Variants in VAC14 observed in about 807,000 individuals in gnomAD.
VAC14 encodes the protein VAC14 component of PIKFYVE complex.
In VAC14, 47 loss-of-function variants were observed where a neutral mutation model predicts 85.3. The ratio of observed to expected loss-of-function variants is 0.55; its 90% CI spans 0.44 to 0.70. The LOEUF (loss-of-function observed/expected upper bound fraction) is 0.70. Ranked by LOEUF, VAC14 falls within the 30% of genes least tolerant of loss-of-function variation. The probability of loss-of-function intolerance (pLI) is 0.00; values close to 1 mark genes in which losing one functional copy is unlikely to be tolerated. For synonymous variants in VAC14, 447 were observed against 430.5 expected (o/e 1.04, Z -0.47); for missense variants, 861 against 1,004.3 (o/e 0.86, Z 1.93).
intron 1 of VAC14, among the ~76,000 whole-genome samples, chr16:70,789,204 G>C (rs920306627): frequency 6.6e-6 from 1 of 152,232 alleles, no homozygotes; most frequent in African/African-American, 2.4e-5. Context: ...CACAGAAGGC[G>C]GTGGGAGGAC....
At chr16:70,750,845 C>T (rs1363757182) in intron 12 of VAC14, among the ~76,000 whole-genome samples, 3 of 152,070 alleles carry the variant, frequency 2.0e-5, no homozygotes, top group Non-Finnish European at 4.4e-5. Flanking sequence ...AAGCTCCCAG[C>T]TCTCACTCTC....
At position 70,785,804 on chromosome 16, in the gene VAC14, G is replaced by A. The variant is rs770287430; in HGVS notation, c.321C>T (p.Ser107=). The change falls in exon 3 of 19, where the codon AGC becomes AGT. Residue 107 remains serine (S), a synonymous_variant. Coordinates refer to ENST00000261776, the MANE Select transcript of VAC14 (RefSeq NM_018052.5). ...CCTCGCAGGCATAGTAGCGCAGCCTGCTGTCTGCATCATTGAAGCAGGTCA... is the reference window on the plus strand; with the variant it reads ...CCTCGCAGGCATAGTAGCGCAGCCTACTGTCTGCATCATTGAAGCAGGTCA... ...PVLTCFNDAD[S]RLRYYACEAL... is the part of the protein sequence containing the mutation. 1.2e-6 allele frequency: 2 copies of A among 1,600,166 alleles called. No homozygotes were observed. The highest frequency in any genetic ancestry group is 1.7e-5 in the Admixed American group (1 of 58,662).
chr16:70,801,068 A>C lies in VAC14; in HGVS notation c.-168T>G. 2.1e-6 allele frequency: 1 copy of C among 476,896 alleles called. No individual in the cohort carries two copies. Among genetic ancestry groups the C allele is most frequent in the Non-Finnish European group, 3.6e-6 (1 of 275,136 alleles). 29.5% of individuals were successfully genotyped at this position (476,896 alleles called of 1,614,324 possible). A position where few individuals can be genotyped will look rare whatever the true frequency, so the allele number is the denominator to read the frequency against. ...GCCTCGCCCTGGAACCCGGGCCCGG[A>C]CCCCGCTCCAGCACACCTGACCCTG... On this transcript the variant is annotated 5_prime_UTR_variant, in exon 1 of 19. Coordinates refer to ENST00000261776, the MANE Select transcript of VAC14 (RefSeq NM_018052.5).
At chr16:70,784,912 C>G in intron 3 of VAC14, 74 bp from the exon 4 acceptor site, 6 of 1,348,068 alleles carry the variant, frequency 4.5e-6, no homozygotes, top group Non-Finnish European at 6.4e-6. Flanking sequence ...GGATTTCCTG[C>G]AAATCCGCAG....
intron 13 of VAC14, among the ~76,000 whole-genome samples, chr16:70,741,886 C>G (rs958564704): frequency 2.0e-5 from 3 of 152,210 alleles, no homozygotes; most frequent in Non-Finnish European, 4.4e-5. Context: ...GTGCCCCTGG[C>G]CCTGCCGCCC....
intron 13 of VAC14, among the ~76,000 whole-genome samples, chr16:70,739,288 G>C (rs1431502657): frequency 6.6e-6 from 1 of 152,236 alleles, no homozygotes; most frequent in African/African-American, 2.4e-5. Context: ...GCTTCCTGAG[G>C]CTGGGAGGGG....
At chr16:70,706,265 G>A (rs749129333) in intron 14 of VAC14, among the ~76,000 whole-genome samples, 24 of 152,242 alleles carry the variant, frequency 1.6e-4, no homozygotes, top group Non-Finnish European at 2.5e-4. Context: ...CTGGCTCCAG[G>A]TCCCTCAGAG....
intron 14 of VAC14, among the ~76,000 whole-genome samples, chr16:70,703,408 A>G (rs958114739): frequency 1.3e-5 from 2 of 150,706 alleles, no homozygotes; most frequent in Admixed American, 6.6e-5. Flanking sequence ...ATGGGGCTGG[A>G]GGAGGGCAGG....
chr16:70,780,430 C>G (rs980986493), intron 9 of VAC14, among the ~76,000 whole-genome samples: 2 of 152,096 alleles, frequency 1.3e-5, no homozygotes, highest in Admixed American at 1.3e-4. Flanking sequence ...TCCAAACCTT[C>G]CTGCCCTGAA....
At chr16:70,688,272 C>A in intron 18 of VAC14, 182 bp from the exon 19 acceptor site, 1 of 1,239,358 alleles carries the variant, frequency 8.1e-7, no homozygotes, top group Non-Finnish European at 1.0e-6. Flanking sequence ...CCTGAGCATC[C>A]CCCTCTTCCG....
chr16:70,736,185 G>A (rs2054745497), intron 13 of VAC14, among the ~76,000 whole-genome samples: 1 of 152,194 alleles, frequency 6.6e-6, no homozygotes, highest in African/African-American at 2.4e-5. Flanking sequence ...TTAAGCCTCA[G>A]TTTCCTCATC....
chr16:70,746,421 C>T (rs2030894529), intron 12 of VAC14, among the ~76,000 whole-genome samples: 1 of 152,244 alleles, frequency 6.6e-6, no homozygotes, highest in South Asian at 2.1e-4. Context: ...GTGCCAGCGG[C>T]TGCGTTGGGT....
At position 70,800,969 on chromosome 16, in the gene VAC14, G is replaced by A. The variant is rs577532530; in HGVS notation, c.-69C>T. ...CCGGGGCCGCGCCGGGGCCAGGGGA[G>A]TCTGCGGCTCCGCTCTGCCCCCGGC... is the stretch of plus-strand genomic sequence containing the variant. On this transcript the variant is annotated 5_prime_UTR_variant, in exon 1 of 19. Coordinates refer to ENST00000261776, the MANE Select transcript of VAC14 (RefSeq NM_018052.5). The A allele has an allele frequency of 4.3e-3, 5,157 of 1,208,194 alleles. 37 individuals are homozygous for A. Among genetic ancestry groups the A allele is most frequent in the Middle Eastern group, 0.03 (105 of 3,472 alleles). The allele number at this position is 1,208,194 out of a possible 1,614,324, so 74.8% of individuals were successfully genotyped here.
At chr16:70,737,014 G>A (rs1209478071) in intron 13 of VAC14, among the ~76,000 whole-genome samples, 1 of 152,342 alleles carries the variant, frequency 6.6e-6, no homozygotes, top group South Asian at 2.1e-4. Flanking sequence ...CCACTCTGTT[G>A]ATCTGAGCTG....
At chr16:70,688,275 C>G (rs2053536806) in intron 18 of VAC14, 185 bp from the exon 19 acceptor site, 1 of 1,237,504 alleles carries the variant, frequency 8.1e-7, no homozygotes, top group South Asian at 3.6e-5. Context: ...GAGCATCCCC[C>G]TCTTCCGCAG....
rs190001230 is a variant in VAC14, at chr16:70,783,089, G to T, written c.755C>A (p.Ser252Tyr). Residue 252 changes from serine (S) to tyrosine (Y), a missense_variant, in exon 7 of 19, where the codon TCC (serine) becomes TAC (tyrosine). Physicochemically the swap from Ser to Tyr is moderately radical, Grantham distance 144. Around this residue, in one of 3 missense-constraint regions of VAC14, gnomAD observed 629 missense variants for 703.1 expected, o/e 0.89. Transcript: ENST00000261776. The part of the protein sequence containing the change: ...EFLKEIKKNP[S>Y]SVKFAEMANI... ...GGCCATCTCAGCAAACTTCACACTG[G>T]AGGGGTTCTTCTTAATTTCTTTTAA... The T allele has an allele frequency of 1.6e-4, 252 of 1,614,176 alleles. 3 individuals are homozygous for T. The East Asian group carries it at 4.6e-3, about 29-fold the overall frequency.
chr16:70,705,051 G>A lies in VAC14; in HGVS notation c.1662-6240C>T, dbSNP rs187171309. Among the ~76,000 whole-genome samples the A allele has an allele frequency of 4.1e-4, 62 of 152,334 alleles. 1 individual carries two copies. Among genetic ancestry groups the A allele is most frequent in the African/African-American group, 1.2e-3 (49 of 41,584 alleles). ...TCCCAGGTCCCTCTGCTGTTTGCTCGGGATACTTGTGCCGGCTCCCTTTGG... is the reference window on the plus strand; with the variant it reads ...TCCCAGGTCCCTCTGCTGTTTGCTCAGGATACTTGTGCCGGCTCCCTTTGG... On this transcript the variant is annotated intron_variant, in intron 14 of 18. Coordinates refer to ENST00000261776, the MANE Select transcript of VAC14 (RefSeq NM_018052.5).
rs2032508484 is a variant in VAC14 at position 70,762,806 on chromosome 16, C to T, written c.1305+75G>A. 2 of 1,603,314 alleles carry T rather than the reference C, an allele frequency of 1.2e-6. No homozygotes were observed. The highest frequency in any genetic ancestry group is 1.7e-5 in the Admixed American group (1 of 59,070). Reference sequence around the variant, plus strand: ...TAGAAGGGCAATGACCAAAATGCTACCAACTATGGGCAGGCCCTGGAAAAC... The same window carrying T: ...TAGAAGGGCAATGACCAAAATGCTATCAACTATGGGCAGGCCCTGGAAAAC... On this transcript the variant is annotated intron_variant, in intron 11 of 18. Coordinates refer to ENST00000261776, the MANE Select transcript of VAC14 (RefSeq NM_018052.5). This position sits in a 1 kb window ranked among gnomAD's most constrained non-coding sequence, Gnocchi z 4.1.
chr16:70,774,281 T>C (rs1281679908), intron 9 of VAC14, among the ~76,000 whole-genome samples: 2 of 152,222 alleles, frequency 1.3e-5, no homozygotes, highest in East Asian at 3.8e-4. Context: ...TTGACACTTT[T>C]GAAGCGCTGG....
Sources: gnomAD v4.1 joint callset for allele counts (sites outside exome capture counted in the v4.1 genomes callset) on GRCh38, gnomAD v4.1.1 for gene constraint, gnomAD v4.1.1 regional missense constraint, Gnocchi (gnomAD v3.1) non-coding constraint, MANE v1.5 for transcripts, NCBI Gene and HGNC (gene_info 2026-07-23, HGNC 2026-07-21) for gene names.